ZPBP: variants seen among roughly 807,000 people sequenced by gnomAD.
ZPBP encodes zona pellucida-binding protein 1.
In ZPBP, 26 loss-of-function variants were observed where a neutral mutation model predicts 44.8. The observed-to-expected ratio is 0.58, with a 90% CI of 0.43 to 0.81. ZPBP has a LOEUF of 0.81. ZPBP is among the 30% of genes least tolerant of loss of function. The pLI is 0.00. For missense variants in ZPBP, 409 were observed against 434.0 expected, an observed-to-expected ratio of 0.94 and a Z score of 0.51; for synonymous variants, 174 against 153.2, an observed-to-expected ratio of 1.14 and a Z score of -1.00.
intron 2 of ZPBP, among the ~76,000 whole-genome samples, chr7:49,884,301 G>A (rs1791803161): frequency 6.6e-6 from 1 of 152,220 alleles, no homozygotes; most frequent in Admixed American, 6.5e-5. Context: ...AGGTCCTCCT[G>A]GCCATAGCAT....
At chr7:50,057,090 CAGG>C (rs1800978896) in intron 4 of ZPBP, among the ~76,000 whole-genome samples, 1 of 150,842 alleles carries the variant, frequency 6.6e-6, no homozygotes, top group East Asian at 2.0e-4. Flanking sequence ...GAAGCTGAGG[CAGG>C]AGAATTGCTT....
intron 1 of ZPBP, among the ~76,000 whole-genome samples, chr7:49,902,567 A>T (rs1392079666): frequency 6.6e-6 from 1 of 151,694 alleles, no homozygotes; most frequent in African/African-American, 2.4e-5. Context: ...AAAAAAAAAA[A>T]AAGAATCTCA....
intron 2 of ZPBP, among the ~76,000 whole-genome samples, chr7:49,859,688 C>T (rs1398521321): frequency 1.3e-5 from 2 of 152,170 alleles, no homozygotes; most frequent in Non-Finnish European, 2.9e-5. Context: ...TATGTGTTGC[C>T]AATCGGTGGG....
intron 7 of ZPBP, among the ~76,000 whole-genome samples, chr7:49,955,588 A>G (rs1795558487): frequency 6.6e-6 from 1 of 152,090 alleles, no homozygotes; most frequent in South Asian, 2.1e-4. Context: ...AGAGCACATT[A>G]ATTTTCAGAT....
At chr7:49,971,336 A>G (rs1222658995) in intron 7 of ZPBP, among the ~76,000 whole-genome samples, 2 of 152,200 alleles carry the variant, frequency 1.3e-5, no homozygotes, top group African/African-American at 2.4e-5. Context: ...GTTCTTTGAG[A>G]AGATCAAAAA....
chr7:50,057,222 C>T (rs1800987693), intron 4 of ZPBP, among the ~76,000 whole-genome samples: 1 of 150,668 alleles, frequency 6.6e-6, no homozygotes, highest in Admixed American at 6.6e-5. Flanking sequence ...TTAATAAGCA[C>T]ATCCCTTTCC....
intron 7 of ZPBP, among the ~76,000 whole-genome samples, chr7:49,969,710 A>G (rs1165309118): frequency 6.6e-6 from 1 of 151,928 alleles, no homozygotes; most frequent in African/African-American, 2.4e-5. Context: ...AGCAAACAGC[A>G]CTGTATAAAA....
intron 2 of ZPBP, among the ~76,000 whole-genome samples, chr7:49,853,820 T>G (rs2128717543): frequency 6.6e-6 from 1 of 152,056 alleles, no homozygotes; most frequent in East Asian, 1.9e-4. Flanking sequence ...ACCCATTAAC[T>G]GGTCATTTAC....
chr7:49,880,852 T>C (rs1156305858), intron 2 of ZPBP, among the ~76,000 whole-genome samples: 1 of 152,134 alleles, frequency 6.6e-6, no homozygotes, highest in Non-Finnish European at 1.5e-5. Context: ...TTTTTGCCTA[T>C]GACATGGAAT....
At chr7:49,979,824 CATAT>C (rs56222305) in intron 7 of ZPBP, among the ~76,000 whole-genome samples, 5,292 of 112,298 alleles carry the variant, frequency 0.047, 286 homozygotes, top group African/African-American at 0.13. Flanking sequence ...TGGAGTTATA[CATAT>C]ATATATATAT....
chr7:49,933,829 A>G (rs1794535737), downstream of ZPBP, among the ~76,000 whole-genome samples: 1 of 149,234 alleles, frequency 6.7e-6, no homozygotes. Context: ...GTATGTTCTC[A>G]CTCATAGGTG....
At chr7:49,976,842 C>T (rs1286626874) in intron 7 of ZPBP, among the ~76,000 whole-genome samples, 1 of 152,078 alleles carries the variant, frequency 6.6e-6, no homozygotes, top group African/African-American at 2.4e-5. Flanking sequence ...GTGGCTCACA[C>T]TTGTAATCCC....
chr7:49,938,016 G>A (rs1794684915), intron 7 of ZPBP, among the ~76,000 whole-genome samples: 1 of 152,184 alleles, frequency 6.6e-6, no homozygotes, highest in Non-Finnish European at 1.5e-5. Flanking sequence ...TGACCTGACA[G>A]GAAGCAGAGC....
At chr7:50,089,328 C>T (rs953460771) in intron 2 of ZPBP, among the ~76,000 whole-genome samples, 3 of 151,958 alleles carry the variant, frequency 2.0e-5, no homozygotes, top group Non-Finnish European at 2.9e-5. Flanking sequence ...ATTTGTATTA[C>T]CATATTTGCA....
chr7:49,885,262 A>G (rs1791848298), intron 2 of ZPBP, among the ~76,000 whole-genome samples: 1 of 152,168 alleles, frequency 6.6e-6, no homozygotes, highest in Admixed American at 6.5e-5. Flanking sequence ...ATATGTCTCT[A>G]GTTAAAATTG....
At chr7:49,925,156 G>A (rs1360776205) in intron 1 of ZPBP, among the ~76,000 whole-genome samples, 2 of 152,136 alleles carry the variant, frequency 1.3e-5, no homozygotes, top group Non-Finnish European at 2.9e-5. Context: ...CTAAGTACTG[G>A]TCATATGTTC....
chr7:49,942,707 A>G lies in ZPBP; in HGVS notation c.962-5085T>C, dbSNP rs376467952. On this transcript the variant is annotated intron_variant, in intron 7 of 7. Coordinates refer to ENST00000046087, the MANE Select transcript of ZPBP (RefSeq NM_007009.3). ...CAGATTCCTAGTAAGACTCTTCATC[A>G]TCTCTTGCTTCTGCTCCCCTTCTTC... The G allele has an allele frequency of 4.0e-3, 613 of 152,958 alleles. 48 individuals are homozygous for G. In the South Asian group the frequency reaches 0.12, roughly 30 times the overall value. 9.5% of individuals were successfully genotyped at this position (152,958 alleles called of 1,614,324 possible).
chr7:49,851,854 TAAA>T (rs77423510), intron 2 of ZPBP, among the ~76,000 whole-genome samples: 1 of 136,382 alleles, frequency 7.3e-6, no homozygotes, highest in African/African-American at 2.7e-5. Context: ...AGACTCTGTC[TAAA>T]AAAAAAAAAA....
intron 1 of ZPBP, chr7:49,914,730 A>C (rs1333106077): frequency 6.6e-6 from 1 of 152,204 alleles, no homozygotes; most frequent in Non-Finnish European, 1.5e-5. Flanking sequence ...CTCTTTGCTG[A>C]GATTGTCAAC....
Sources: allele counts gnomAD v4.1 joint callset (sites outside exome capture counted in the v4.1 genomes callset), GRCh38; gene constraint gnomAD v4.1.1; transcripts MANE v1.5; gene names NCBI Gene and HGNC (gene_info 2026-07-23, HGNC 2026-07-21).